Variants in ZFHX3 observed in about 807,000 individuals in gnomAD.
ZFHX3 encodes zinc finger homeobox protein 3.
A neutral mutation model predicts 279.1 loss-of-function variants in ZFHX3; 42 were observed. That is an observed-to-expected ratio of 0.15 (90% confidence interval 0.12 to 0.19). The LOEUF (loss-of-function observed/expected upper bound fraction) is 0.19. Ranked by LOEUF, ZFHX3 falls within the 10% of genes least tolerant of loss-of-function variation. The pLI is 1.00. For synonymous variants in ZFHX3, 2,293 were observed against 1,957.8 expected, an observed-to-expected ratio of 1.17 and a Z score of -4.52; for missense variants, 4,981 against 4,754.0, an observed-to-expected ratio of 1.05 and a Z score of -1.40.
At chr16:73,508,623 A>G (rs1249037422) in intron 2 of ZFHX3, among the ~76,000 whole-genome samples, 4 of 152,198 alleles carry the variant, frequency 2.6e-5, no homozygotes, top group Admixed American at 2.6e-4. Flanking sequence ...ACAACTCTGA[A>G]TCATACTCAA....
intron 3 of ZFHX3, among the ~76,000 whole-genome samples, chr16:73,429,792 C>T (rs920171790): frequency 2.0e-5 from 3 of 152,210 alleles, no homozygotes; most frequent in African/African-American, 7.2e-5. Context: ...TACCAGGCTG[C>T]TCACAGCTCC....
intron 8 of ZFHX3, among the ~76,000 whole-genome samples, chr16:73,077,387 A>C (rs377539319): frequency 3.9e-5 from 6 of 152,022 alleles, no homozygotes; most frequent in Admixed American, 3.9e-4. Flanking sequence ...GTGAAGTTCC[A>C]GATTAGGACA....
intron 1 of ZFHX3, among the ~76,000 whole-genome samples, chr16:73,773,471 G>A (rs1409778158): frequency 6.6e-6 from 1 of 152,196 alleles, no homozygotes; most frequent in Non-Finnish European, 1.5e-5. Flanking sequence ...GCCAGGCCCT[G>A]GTCCTGTCTC....
In ZFHX3 at chr16:73,100,016, T is replaced by G. The variant is rs553483920; in HGVS notation, c.-896-6418A>C. On this transcript the variant is annotated intron_variant, in intron 7 of 17. Coordinates refer to the ZFHX3 transcript ENST00000641206. ...CATCTCACTATGGGTATCAGCCCAT[T>G]ACACATGAGGACAGGGTGGGGTTGG... Among the ~76,000 whole-genome samples, 92 of 152,240 alleles carry G rather than the reference T, an allele frequency of 6.0e-4. 2 individuals are homozygous for G. In the South Asian group the frequency reaches 0.018, roughly 31 times the overall value.
rs182702228 is a variant in ZFHX3 at position 73,529,428 on chromosome 16, C to G, written c.-1546-73170G>C. Among the ~76,000 whole-genome samples the G allele has an allele frequency of 2.7e-3, 407 of 152,284 alleles. 3 individuals are homozygous for G. Among genetic ancestry groups the G allele is most frequent in the African/African-American group, 9.1e-3 (380 of 41,560 alleles). The stretch of plus-strand genomic sequence containing the variant: ...GTTTCACTCATGTGATGTGTTCAAA[C>G]AGCCTCCCAAAGAGAGAAACTTAGC... On this transcript the variant is annotated intron_variant, in intron 2 of 17. Coordinates refer to the ZFHX3 transcript ENST00000641206.
intron 5 of ZFHX3, among the ~76,000 whole-genome samples, chr16:73,231,730 G>A (rs1358895100): frequency 6.6e-6 from 1 of 152,078 alleles, no homozygotes; most frequent in African/African-American, 2.4e-5. Context: ...TCACCACGCC[G>A]AGTGCCCTTC....
chr16:72,859,827 C>T (rs1479798894), intron 4 of ZFHX3, among the ~76,000 whole-genome samples: 1 of 152,144 alleles, frequency 6.6e-6, no homozygotes, highest in African/African-American at 2.4e-5. Flanking sequence ...AATTGGGCCA[C>T]TCCGTGTTCA....
intron 3 of ZFHX3, among the ~76,000 whole-genome samples, chr16:72,933,040 G>A (rs1370449875): frequency 1.3e-5 from 2 of 152,032 alleles, no homozygotes; most frequent in Non-Finnish European, 2.9e-5. Context: ...CCTTTAAGAC[G>A]CATGGACATC....
At chr16:72,971,668 A>C (rs1243811925) in intron 1 of ZFHX3, among the ~76,000 whole-genome samples, 1 of 152,034 alleles carries the variant, frequency 6.6e-6, no homozygotes, top group Non-Finnish European at 1.5e-5. Flanking sequence ...TCCCCCAGGA[A>C]AGTCCTTTCC....
intron 2 of ZFHX3, among the ~76,000 whole-genome samples, chr16:73,610,437 CTG>C (rs1392237203): frequency 3.9e-5 from 6 of 152,184 alleles, no homozygotes; most frequent in Admixed American, 1.3e-4. Flanking sequence ...TACAGAAACA[CTG>C]TGCATTTTCC....
chr16:73,633,440 A>C (rs1019613697), intron 2 of ZFHX3, among the ~76,000 whole-genome samples: 5 of 152,226 alleles, frequency 3.3e-5, no homozygotes, highest in East Asian at 1.9e-4. Context: ...ACAGAGATGC[A>C]TGCAAAAATG....
At chr16:73,281,827 A>C (rs2053485066) in intron 4 of ZFHX3, among the ~76,000 whole-genome samples, 1 of 152,206 alleles carries the variant, frequency 6.6e-6, no homozygotes, top group South Asian at 2.1e-4. Context: ...GAACAAACAA[A>C]AGGCTTGTGA....
intron 1 of ZFHX3, among the ~76,000 whole-genome samples, chr16:73,784,804 T>TACACACAC (rs1567409719): frequency 9.6e-5 from 12 of 125,530 alleles, no homozygotes; most frequent in Admixed American, 6.3e-4. Flanking sequence ...AAAATATATA[T>TACACACAC]ATATATATAT....
chr16:73,346,761 T>G (rs1012615458), intron 3 of ZFHX3, among the ~76,000 whole-genome samples: 1 of 152,196 alleles, frequency 6.6e-6, no homozygotes, highest in African/African-American at 2.4e-5. Context: ...CGTGAGCCAC[T>G]GTGCCCAGTC....
chr16:72,905,345 G>A (rs925487672), intron 3 of ZFHX3, among the ~76,000 whole-genome samples: 3 of 151,984 alleles, frequency 2.0e-5, no homozygotes, highest in Admixed American at 2.0e-4. Context: ...ATCACAAAAG[G>A]GCTCGCCCCT....
chr16:73,881,274 C>T (rs2030140061), intron 1 of ZFHX3, among the ~76,000 whole-genome samples: 1 of 152,112 alleles, frequency 6.6e-6, no homozygotes, highest in Admixed American at 6.5e-5. Context: ...AGCAGACAAG[C>T]CCCACTGGAA....
At chr16:72,881,129 A>G (rs982491050) in intron 4 of ZFHX3, among the ~76,000 whole-genome samples, 2 of 152,244 alleles carry the variant, frequency 1.3e-5, no homozygotes, top group Non-Finnish European at 2.9e-5. Context: ...GGAGCTGAGC[A>G]TGGTCCAACA....
chr16:73,788,860 G>C (rs1362937426), intron 1 of ZFHX3, among the ~76,000 whole-genome samples: 1 of 151,670 alleles, frequency 6.6e-6, no homozygotes, highest in African/African-American at 2.4e-5. Context: ...TGTAGTCCCA[G>C]CTACTCGGGA....
intron 3 of ZFHX3, among the ~76,000 whole-genome samples, chr16:73,381,455 C>A (rs1257054241): frequency 6.6e-6 from 1 of 151,748 alleles, no homozygotes; most frequent in Non-Finnish European, 1.5e-5. Flanking sequence ...GAGAGAGAGA[C>A]AAAGAGATGA....
Sources: gnomAD v4.1 joint callset for allele counts (sites outside exome capture counted in the v4.1 genomes callset) on GRCh38, gnomAD v4.1.1 for gene constraint, MANE v1.5 for transcripts, NCBI Gene and HGNC (gene_info 2026-07-23, HGNC 2026-07-21) for gene names.